CLPX: variants seen among roughly 807,000 people sequenced by gnomAD.
CLPX encodes the protein ATP-dependent clpX-like chaperone, mitochondrial.
A neutral mutation model predicts 76.4 loss-of-function variants in CLPX; 34 were observed. The ratio of observed to expected loss-of-function variants is 0.45; its 90% CI spans 0.34 to 0.59. CLPX has a LOEUF of 0.59. CLPX is among the 20% of genes least tolerant of loss of function. The pLI, the probability that CLPX is intolerant of heterozygous loss-of-function variation, is 0.01. For synonymous variants in CLPX, 248 were observed against 270.9 expected, an observed-to-expected ratio of 0.92 and a Z score of 0.83; for missense variants, 613 against 757.0, an observed-to-expected ratio of 0.81 and a Z score of 2.23.
rs1315192287 is a variant in CLPX, at chr15:65,158,690, T to C, written c.777A>G (p.Gln259=). 1.2e-6 allele frequency: 2 copies of C among 1,614,010 alleles called. No individual in the cohort carries two copies. The highest frequency in any genetic ancestry group is 8.5e-7 in the Non-Finnish European group (1 of 1,179,912). Residue 259 remains glutamine (Q), a synonymous_variant, in exon 7 of 14, where the codon CAA becomes CAG. Coordinates refer to ENST00000300107, the MANE Select transcript of CLPX (RefSeq NM_006660.5). ...CCTGAGGTATTTGTTGATTTACCTG[T>C]TGCTGCATTGATGCTCCTAAAGCAT... ...HGNALGASMQ[Q]QVNQQIPQEK...
In CLPX at chr15:65,154,947, C is replaced by T; in HGVS notation, c.1446G>A (p.Val482=). Residue 482 remains valine, a synonymous_variant, in exon 11 of 14, where the codon GTG becomes GTA. Coordinates refer to ENST00000300107, the MANE Select transcript of CLPX (RefSeq NM_006660.5). ...CAAACTCAATCAGATCTCTGGCTTC[C>T]ACATGACGCAATAACCGATCTTTTT... ...IEEKDRLLRH[V]EARDLIEFGM... 1 of 1,614,136 alleles carries T rather than the reference C, an allele frequency of 6.2e-7. No individual in the cohort carries two copies.
rs1340771376 is a variant in CLPX at position 65,180,119 on chromosome 15, T to C, written c.165A>G (p.Arg55=). Residue 55 remains arginine, a synonymous_variant, in exon 2 of 14, where the codon AGA becomes AGG. Transcript: ENST00000300107. The part of the protein sequence containing the change: ...ETQILQRAPL[R]SFTETPAYFA... The stretch of plus-strand genomic sequence containing the variant: ...AGTATGCTGGTGTTTCTGTAAAGGA[T>C]CTAAGAGGAGCTCTTTGCAGAATCT... 3 of 1,612,842 alleles carry C rather than the reference T, an allele frequency of 1.9e-6. No homozygotes were observed. The highest frequency in any genetic ancestry group is 2.5e-6 in the Non-Finnish European group (3 of 1,179,282).
chr15:65,177,364 T>C (rs541391671), intron 3 of CLPX, among the ~76,000 whole-genome samples: 1 of 152,308 alleles, frequency 6.6e-6, no homozygotes, highest in Non-Finnish European at 1.5e-5. Flanking sequence ...CCACAGCGCC[T>C]GGCCCACTTT....
chr15:65,167,591 AT>A (rs887852099), intron 3 of CLPX, among the ~76,000 whole-genome samples: 2 of 151,576 alleles, frequency 1.3e-5, no homozygotes, highest in African/African-American at 2.4e-5. Flanking sequence ...ACCCATGAGC[AT>A]TTTTCGGGCG....
In CLPX at chr15:65,180,867, G is replaced by A. The variant is rs182704836; in HGVS notation, c.80-663C>T. On this transcript the variant is annotated intron_variant, in intron 1 of 13. Coordinates refer to ENST00000300107, the MANE Select transcript of CLPX (RefSeq NM_006660.5). ...TGCAGCGAACTGAAGTCGTGCCACC[G>A]CACTCCAGCCTGGGTGACATAGCGA... Among the ~76,000 whole-genome samples the A allele has an allele frequency of 4.0e-5, 6 of 148,792 alleles. No individual in the cohort carries two copies. The South Asian group carries it at 6.3e-4, about 16-fold the overall frequency.
At chr15:65,170,633 C>T (rs543800978) in intron 3 of CLPX, among the ~76,000 whole-genome samples, 9 of 151,708 alleles carry the variant, frequency 5.9e-5, no homozygotes, top group East Asian at 4.0e-4. Context: ...GGTGTGGTGG[C>T]GGGTGCCTGT....
At chr15:65,169,870 C>T (rs1163867099) in intron 3 of CLPX, among the ~76,000 whole-genome samples, 1 of 151,562 alleles carries the variant, frequency 6.6e-6, no homozygotes, top group East Asian at 1.9e-4. Flanking sequence ...AAGCAATTCT[C>T]TTGCCTCAGC....
In CLPX at chr15:65,154,966, T is replaced by A. The variant is rs2087768115; in HGVS notation, c.1427A>T (p.Asp476Val). ...SNTHQDIEEK[D>V]RLLRHVEARD... ...GGCTTCCACATGACGCAATAACCGA[T>A]CTTTTTCTTCAATGTCTTGGTGAGT... The change falls in exon 11 of 14, where the codon GAT (aspartate) becomes GTT (valine). Residue 476 changes from aspartate (D) to valine (V), a missense_variant. Around this residue, in one of 2 missense-constraint regions of CLPX, gnomAD observed 450 missense variants for 638.6 expected, o/e 0.70. Transcript: ENST00000300107. 2 of 1,613,996 alleles carry A rather than the reference T, an allele frequency of 1.2e-6. No homozygotes were observed. Among genetic ancestry groups the A allele is most frequent in the Non-Finnish European group, 8.5e-7 (1 of 1,180,028 alleles).
chr15:65,154,688 G>A (rs987005118), intron 11 of CLPX, 94 bp downstream of exon 11: 2 of 895,096 alleles, frequency 2.2e-6, no homozygotes, highest in Non-Finnish European at 1.7e-6. Context: ...TATTCTAGAT[G>A]AGCAGAATTT....
rs770877910 is a variant in CLPX, at chr15:65,185,115, G to A, written c.39C>T (p.Ala13=). The change falls in exon 1 of 14, where the codon GCC becomes GCT. Residue 13 remains alanine, a synonymous_variant. Transcript: ENST00000300107. ...CGAGTGAGGAGGTGATGAGCCGGAC[G>A]GCCGCCGCGCCGCAAGTACAAGCAC... ...SCGACTCGAA[A]VRLITSSLAS... 17 of 1,582,572 alleles carry A rather than the reference G, an allele frequency of 1.1e-5. No individual in the cohort carries two copies. Among genetic ancestry groups the A allele is most frequent in the East Asian group, 6.9e-5 (3 of 43,688 alleles).
chr15:65,185,092 A>C lies in CLPX; in HGVS notation c.62T>G (p.Leu21Arg). 3 of 1,553,310 alleles carry C rather than the reference A, an allele frequency of 1.9e-6. No homozygotes were observed. The highest frequency in any genetic ancestry group is 2.6e-6 in the Non-Finnish European group (3 of 1,150,106). ...TTCGTTACCTCTCTGCGCGGAGGCG[A>C]GTGAGGAGGTGATGAGCCGGACGGC... ...AAAVRLITSSLASAQRGISGG... is the reference protein window; with the variant it reads ...AAAVRLITSSRASAQRGISGG... The change falls in exon 1 of 14, where the codon CTC (leucine) becomes CGC (arginine). Residue 21 changes from leucine (L) to arginine (R), a missense_variant. This residue lies in a region of CLPX where 163 missense variants were observed against 118.4 expected (regional missense o/e 1.38). Transcript: ENST00000300107.
At chr15:65,158,449 C>T (rs1316051588) in intron 7 of CLPX, 126 bp downstream of exon 7, 13 of 750,278 alleles carry the variant, frequency 1.7e-5, no homozygotes, top group Non-Finnish European at 2.6e-5. Flanking sequence ...GATAGTGTAT[C>T]TAGATGACTG....
At chr15:65,168,311 G>C (rs1001977320) in intron 3 of CLPX, among the ~76,000 whole-genome samples, 4 of 139,564 alleles carry the variant, frequency 2.9e-5, no homozygotes, top group Non-Finnish European at 4.6e-5. Context: ...ATGAACCCGG[G>C]AGGTGGAGCT....
chr15:65,185,047 G>C (rs1164115830), intron 1 of CLPX, 28 bp downstream of exon 1: 4 of 1,546,550 alleles, frequency 2.6e-6, no homozygotes, highest in Non-Finnish European at 3.5e-6. Context: ...GACAGGCTGA[G>C]GGCTCAGGAG....
chr15:65,160,623 T>TCACACA (rs375655324), intron 6 of CLPX, among the ~76,000 whole-genome samples: 92 of 101,024 alleles, frequency 9.1e-4, no homozygotes, highest in African/African-American at 3.0e-3. Flanking sequence ...TCTCTCTCTC[T>TCACACA]CACACACACA....
intron 1 of CLPX, chr15:65,184,585 GGCCAGCTGGGTGCCCCGA>G (rs1468316484): frequency 6.3e-6 from 1 of 158,682 alleles, no homozygotes; most frequent in African/African-American, 2.4e-5. Flanking sequence ...CGTCCGGGAC[GGCCAGCTGGGTGCCCCGA>G]GTCCTGGGGG....
intron 3 of CLPX, among the ~76,000 whole-genome samples, chr15:65,177,130 G>A (rs2140646563): frequency 6.6e-6 from 1 of 151,928 alleles, no homozygotes; most frequent in Admixed American, 6.6e-5. Flanking sequence ...GTGCAGTGGT[G>A]TGATTTTGGC....
intron 13 of CLPX, among the ~76,000 whole-genome samples, chr15:65,151,442 A>G (rs1163397359): frequency 7.9e-6 from 1 of 127,280 alleles, no homozygotes; most frequent in Non-Finnish European, 1.6e-5. Flanking sequence ...TCCCTGACAA[A>G]TTTATTACTG....
chr15:65,174,737 C>G (rs559978090), intron 3 of CLPX, among the ~76,000 whole-genome samples: 3 of 152,328 alleles, frequency 2.0e-5, no homozygotes, highest in Non-Finnish European at 4.4e-5. Flanking sequence ...CATGCATACT[C>G]AAGTCCTGCA....
Sources: allele counts gnomAD v4.1 joint callset (sites outside exome capture counted in the v4.1 genomes callset), GRCh38; gene constraint gnomAD v4.1.1; regional missense constraint gnomAD v4.1.1; transcripts MANE v1.5; gene names NCBI Gene and HGNC (gene_info 2026-07-23, HGNC 2026-07-21).